The following ADGRL3 variants were observed in gnomAD, a reference collection of about 807,000 sequenced individuals.
ADGRL3 encodes the protein adhesion G protein-coupled receptor L3, also known as calcium-independent alpha-latrotoxin receptor 3.
In ADGRL3, 62 loss-of-function variants were observed where a neutral mutation model predicts 153.5. The ratio of observed to expected loss-of-function variants is 0.40; its 90% CI spans 0.33 to 0.50. ADGRL3 has a LOEUF of 0.50. ADGRL3 is among the 20% of genes least tolerant of loss of function. ADGRL3 has a pLI of 0.47. For synonymous variants in ADGRL3, 710 were observed against 672.5 expected, an observed-to-expected ratio of 1.06 and a Z score of -0.86; for missense variants, 1,641 against 1,859.4, an observed-to-expected ratio of 0.88 and a Z score of 2.16.
At chr4:62,007,384 ACACACACACACATATATATATACACG>A (rs1429597987) in intron 21 of ADGRL3, among the ~76,000 whole-genome samples, 1 of 4,112 alleles carries the variant, frequency 2.4e-4, no homozygotes. Context: ...ATATATATAT[ACACACACACACATATATATATACACG>A]TATATATATA....
At chr4:61,494,074 T>C (rs1226492686) in intron 2 of ADGRL3, among the ~76,000 whole-genome samples, 1 of 149,796 alleles carries the variant, frequency 6.7e-6, no homozygotes, top group Non-Finnish European at 1.5e-5. Context: ...TTTACTTTAC[T>C]GTGTCCTGTT....
intron 5 of ADGRL3, among the ~76,000 whole-genome samples, chr4:61,610,605 ATT>A (rs1003011311): frequency 1.3e-5 from 2 of 152,158 alleles, no homozygotes; most frequent in African/African-American, 4.8e-5. Context: ...ATTTCATTGA[ATT>A]TATAGTGAGA....
At chr4:61,514,215 C>CCTTGACCTA (rs1160642494) in intron 3 of ADGRL3, among the ~76,000 whole-genome samples, 1 of 152,146 alleles carries the variant, frequency 6.6e-6, no homozygotes, top group Non-Finnish European at 1.5e-5. Context: ...CTAGCTGCTT[C>CCTTGACCTA]AGATGCTATT....
At chr4:62,047,584 G>T (rs1731791384) in intron 25 of ADGRL3, among the ~76,000 whole-genome samples, 2 of 151,878 alleles carry the variant, frequency 1.3e-5, no homozygotes, top group South Asian at 4.1e-4. Context: ...TTTACTCCTT[G>T]GAAGCATGTG....
In ADGRL3 at chr4:62,063,620, G is replaced by A. The variant is rs1238542043; in HGVS notation, c.3815-4546G>A. 4 of 697,254 alleles carry A rather than the reference G, an allele frequency of 5.7e-6. No individual in the cohort carries two copies. The African/African-American group carries it at 7.0e-5, about 12-fold the overall frequency. 43.2% of individuals were successfully genotyped at this position (697,254 alleles called of 1,614,324 possible). On this transcript the variant is annotated intron_variant, in intron 25 of 26. Coordinates refer to ENST00000683033, the MANE Select transcript of ADGRL3 (RefSeq NM_001387552.1). Reference sequence around the variant, plus strand: ...TCTGTAACAACCCTTCTGTCAGCATGTACAACGCACAAGGTGTGCTGGAGT... The same window carrying A: ...TCTGTAACAACCCTTCTGTCAGCATATACAACGCACAAGGTGTGCTGGAGT...
At chr4:61,936,993 C>T (rs1161243758) in intron 15 of ADGRL3, among the ~76,000 whole-genome samples, 2 of 152,198 alleles carry the variant, frequency 1.3e-5, no homozygotes, top group South Asian at 2.1e-4. Context: ...ATAAAATGGT[C>T]TGTAAATGTT....
In ADGRL3 at chr4:61,220,390, A is replaced by C. The variant is rs189012081; in HGVS notation, c.-240+18625A>C. 4.9e-3 allele frequency among the ~76,000 whole-genome samples: 742 copies of C among 152,270 alleles called. 4 individuals carry two copies. The highest frequency in any genetic ancestry group is 0.014 in the Middle Eastern group (4 of 294). On this transcript the variant is annotated intron_variant, in intron 1 of 26. Transcript: ENST00000683033. ...AATCAGAAGACTCTGAGCCTAAACC[A>C]TGGGACTGCCACATAGCAGCTATGT...
chr4:61,292,390 A>T (rs1280610440), intron 1 of ADGRL3, among the ~76,000 whole-genome samples: 1 of 152,166 alleles, frequency 6.6e-6, no homozygotes, highest in African/African-American at 2.4e-5. Context: ...TAGTTGTGAA[A>T]CTAGTAATAT....
At chr4:61,474,190 T>A (rs1297448788) in intron 2 of ADGRL3, among the ~76,000 whole-genome samples, 2 of 152,194 alleles carry the variant, frequency 1.3e-5, no homozygotes, top group Non-Finnish European at 2.9e-5. Flanking sequence ...GTAAGACAAC[T>A]TGAGCAAAAT....
chr4:61,886,762 G>A (rs1233769031), intron 9 of ADGRL3, among the ~76,000 whole-genome samples: 1 of 151,450 alleles, frequency 6.6e-6, no homozygotes, highest in Admixed American at 6.6e-5. Flanking sequence ...CTGCCTCAGC[G>A]TCCTGAGTAG....
intron 1 of ADGRL3, among the ~76,000 whole-genome samples, chr4:61,268,690 A>G (rs2092992485): frequency 6.6e-6 from 1 of 151,614 alleles, no homozygotes; most frequent in Non-Finnish European, 1.5e-5. Flanking sequence ...ATGTTAAAAT[A>G]TGACACATAT....
intron 1 of ADGRL3, among the ~76,000 whole-genome samples, chr4:61,289,407 G>A (rs1300404025): frequency 1.3e-5 from 2 of 151,876 alleles, no homozygotes; most frequent in African/African-American, 4.8e-5. Flanking sequence ...ATTATGACAT[G>A]AATAATTTTG....
chr4:61,896,028 C>T (rs1254005617), intron 11 of ADGRL3, among the ~76,000 whole-genome samples, 194 bp downstream of exon 11: 1 of 152,024 alleles, frequency 6.6e-6, no homozygotes, highest in Non-Finnish European at 1.5e-5. Context: ...CCATGAATTT[C>T]TTCTTATATT....
chr4:61,780,397 G>A (rs909454080), intron 8 of ADGRL3, among the ~76,000 whole-genome samples: 3 of 152,108 alleles, frequency 2.0e-5, no homozygotes, highest in Non-Finnish European at 2.9e-5. Flanking sequence ...TGTTGGAGGC[G>A]GGAGAGGTGA....
At chr4:61,904,993 A>T (rs2098688610) in intron 11 of ADGRL3, among the ~76,000 whole-genome samples, 1 of 152,172 alleles carries the variant, frequency 6.6e-6, no homozygotes. Context: ...AATAATAATA[A>T]CAACAAAATA....
intron 1 of ADGRL3, among the ~76,000 whole-genome samples, chr4:61,357,435 G>C (rs545388796): frequency 2.0e-5 from 3 of 152,014 alleles, no homozygotes; most frequent in African/African-American, 7.2e-5. Context: ...ACAACAAAGA[G>C]GAAAATAGGA....
At chr4:61,871,279 GA>G (rs538933011) in intron 9 of ADGRL3, among the ~76,000 whole-genome samples, 158 of 124,928 alleles carry the variant, frequency 1.3e-3, no homozygotes, top group Middle Eastern at 4.2e-3. Context: ...CTCCATCTCA[GA>G]AAAAAAAAAA....
chr4:62,003,190 G>T (rs148548241), intron 21 of ADGRL3, among the ~76,000 whole-genome samples: 8 of 152,044 alleles, frequency 5.3e-5, no homozygotes, highest in Non-Finnish European at 1.0e-4. Context: ...GTCCCTTTGC[G>T]CCTTCTCATC....
intron 6 of ADGRL3, among the ~76,000 whole-genome samples, chr4:61,699,961 C>CA (rs1279575324): frequency 3.9e-4 from 59 of 149,848 alleles, no homozygotes; most frequent in Admixed American, 2.0e-3. Flanking sequence ...CACACACACA[C>CA]ACACACAAAA....
Sources: gnomAD v4.1 joint callset for allele counts (sites outside exome capture counted in the v4.1 genomes callset) on GRCh38, gnomAD v4.1.1 for gene constraint, MANE v1.5 for transcripts, NCBI Gene and HGNC (gene_info 2026-07-23, HGNC 2026-07-21) for gene names.